Variants in ATRX observed in about 807,000 individuals in gnomAD.
ATRX encodes ATRX chromatin remodeler, also known as chromatin remodeler ATRX.
ATRX carries 12 observed loss-of-function variants against 172.6 expected under a neutral mutation model. That is an observed-to-expected ratio of 0.07 (90% CI 0.04 to 0.11). The LOEUF (loss-of-function observed/expected upper bound fraction) is 0.11, where lower values mean the gene tolerates loss of function less well. Among genes scored for constraint, ATRX ranks in the 10% least tolerant of loss-of-function variants. The pLI is 1.00. For missense variants in ATRX, 1,368 were observed against 1,767.4 expected (o/e 0.77, Z 4.05); for synonymous variants, 674 against 594.7 (o/e 1.13, Z -1.94).
At chrX:77,714,584 A>C (rs1181779440) in intron 2 of ATRX, among the ~76,000 whole-genome samples, 4 of 111,861 alleles carry the variant, frequency 3.6e-5, no homozygotes, top group Non-Finnish European at 7.5e-5. Flanking sequence ...TCACCAGTAA[A>C]GGGGCAAATC....
Position 77,599,746 on chromosome X carries a change from G to A in ATRX, c.5772C>T (p.Ser1924=), listed in dbSNP as rs2148148385. 1.7e-6 allele frequency: 2 copies of A among 1,208,565 alleles called. No homozygotes were observed. The highest frequency in any genetic ancestry group is 2.2e-6 in the Non-Finnish European group (2 of 893,331). The change falls in exon 24 of 35, where the codon TCC becomes TCT. Residue 1924 remains serine, a synonymous_variant. Coordinates refer to ENST00000373344, the MANE Select transcript of ATRX (RefSeq NM_000489.6). The part of the protein sequence containing the change: ...DSDETSMSLS[S]DDYTKKKKKG... Reference sequence around the variant, plus strand: ...ATTCGATTTACTTTGTATAATCATCGGAGCTTAAACTCATGGAGGTTTCAT... The same window carrying A: ...ATTCGATTTACTTTGTATAATCATCAGAGCTTAAACTCATGGAGGTTTCAT...
Position 77,582,864 on chromosome X carries a change from G to C in ATRX, c.6217+6970C>G, listed in dbSNP as rs188573287. ...TGAAGCCATAATAAAAAGTCACCCA[G>C]CAAGGAAAATCCCAGGACCCAATAG... On this transcript the variant is annotated intron_variant, in intron 27 of 34. Coordinates refer to ENST00000373344, the MANE Select transcript of ATRX (RefSeq NM_000489.6). 6.1e-3 allele frequency among the ~76,000 whole-genome samples: 681 copies of C among 111,652 alleles called. 6 individuals are homozygous for C. The highest frequency in any genetic ancestry group is 0.01 in the Non-Finnish European group (554 of 53,089).
At chrX:77,704,244 C>A (rs1167761555) in intron 2 of ATRX, among the ~76,000 whole-genome samples, 2 of 111,257 alleles carry the variant, frequency 1.8e-5, no homozygotes, top group Non-Finnish European at 1.9e-5. Flanking sequence ...CACCTCTTTG[C>A]AGGAAGGTCA....
chrX:77,671,147 C>CAAA (rs34939100), intron 10 of ATRX, among the ~76,000 whole-genome samples: 13 of 15,289 alleles, frequency 8.5e-4, no homozygotes, highest in African/African-American at 3.1e-3. Context: ...GACTCTGTCT[C>CAAA]AAAAAAAAAA....
intron 1 of ATRX, among the ~76,000 whole-genome samples, chrX:77,744,900 G>A (rs1457526045): frequency 2.7e-5 from 3 of 109,909 alleles, no homozygotes; most frequent in African/African-American, 9.9e-5. Context: ...GGAGGCTAAG[G>A]CAGGAGAATG....
chrX:77,517,396 T>C (rs2063090890), intron 34 of ATRX, among the ~76,000 whole-genome samples: 1 of 111,300 alleles, frequency 9.0e-6, no homozygotes. Flanking sequence ...TATGACAAAC[T>C]ACATGCAAAA....
chrX:77,555,052 T>C (rs1194261043), intron 30 of ATRX, among the ~76,000 whole-genome samples: 2 of 112,025 alleles, frequency 1.8e-5, no homozygotes, highest in Non-Finnish European at 3.8e-5. Flanking sequence ...ATCAGAGTGT[T>C]CATTGCCTGG....
intron 1 of ATRX, among the ~76,000 whole-genome samples, chrX:77,722,258 T>C (rs1389333833): frequency 9.0e-6 from 1 of 110,833 alleles, no homozygotes; most frequent in African/African-American, 3.3e-5. Flanking sequence ...ATTCAGGACA[T>C]AGGCATGGGC....
rs2064180155 is a variant in ATRX, at chrX:77,544,994, T to G, written c.6699+12457A>C. Among the ~76,000 whole-genome samples, 4 of 111,531 alleles carry G rather than the reference T, an allele frequency of 3.6e-5. No homozygotes were observed. In the South Asian group the frequency reaches 1.5e-3, roughly 42 times the overall value. On this transcript the variant is annotated intron_variant, in intron 30 of 34. Transcript: ENST00000373344. ...ACAGACACTTCTCAAAAGAAGACAT[T>G]TATGCAGCCAAAAAACACATGAAAA...
intron 30 of ATRX, among the ~76,000 whole-genome samples, chrX:77,534,350 A>G (rs782755585): frequency 1.8e-5 from 2 of 112,317 alleles, no homozygotes; most frequent in East Asian, 5.6e-4. Flanking sequence ...GGGACAAAAA[A>G]GTATTTGTAA....
At chrX:77,776,907 A>T (rs1028216536) in intron 1 of ATRX, among the ~76,000 whole-genome samples, 1 of 111,233 alleles carries the variant, frequency 9.0e-6, no homozygotes, top group Non-Finnish European at 1.9e-5. Flanking sequence ...TCCTGCATTC[A>T]TCTAGCACAA....
intron 27 of ATRX, among the ~76,000 whole-genome samples, chrX:77,583,668 G>C (rs1238458573): frequency 8.9e-6 from 1 of 111,773 alleles, no homozygotes; most frequent in Non-Finnish European, 1.9e-5. Flanking sequence ...AGCCATCTAT[G>C]ACAGACCCAT....
At chrX:77,667,556 T>C (rs782417966) in intron 10 of ATRX, among the ~76,000 whole-genome samples, 3 of 111,206 alleles carry the variant, frequency 2.7e-5, no homozygotes, top group African/African-American at 9.8e-5. Flanking sequence ...CTATTAACTA[T>C]AAAGATTTGG....
Position 77,634,717 on chromosome X carries a change from CTTCA to C in ATRX, c.4700-18_4700-15del, listed in dbSNP as rs1464196906. 3.3e-5 allele frequency: 39 copies of C among 1,176,519 alleles called. No individual in the cohort carries two copies. Among genetic ancestry groups the C allele is most frequent in the Non-Finnish European group, 4.0e-5 (35 of 865,324 alleles). On this transcript the variant is annotated splice_polypyrimidine_tract_variant and intron_variant, in intron 16 of 34. Transcript: ENST00000373344. The stretch of plus-strand genomic sequence containing the variant: ...TAAACTGAACACCTAAAAATAACAG[CTTCA>C]TTAAGTTAAATTTAAAGGTCCAAGT...
At chrX:77,697,259 A>T (rs1311570432) in intron 4 of ATRX, among the ~76,000 whole-genome samples, 1 of 111,752 alleles carries the variant, frequency 8.9e-6, no homozygotes, top group Admixed American at 9.5e-5. Context: ...ACTGCCTCAT[A>T]GGCATTCAAC....
chrX:77,557,372 G>C (rs1185333786), intron 30 of ATRX, 79 bp downstream of exon 30: 84 of 953,813 alleles, frequency 8.8e-5, no homozygotes, highest in Non-Finnish European at 1.2e-4. Flanking sequence ...GCCTTAATCA[G>C]ATGACTAAAT....
At chrX:77,748,871 G>A (rs970281911) in intron 1 of ATRX, among the ~76,000 whole-genome samples, 1 of 111,654 alleles carries the variant, frequency 9.0e-6, no homozygotes, top group African/African-American at 3.3e-5. Context: ...ATAGGCATAA[G>A]CAACAGCACC....
chrX:77,717,302 G>T, intron 1 of ATRX, 59 bp from the exon 2 acceptor site: 1 of 953,731 alleles, frequency 1.0e-6, no homozygotes, highest in South Asian at 2.0e-5. Context: ...TAAATTAATT[G>T]TAAAGCTCTA....
chrX:77,778,708 G>A (rs782454583), intron 1 of ATRX, among the ~76,000 whole-genome samples: 1,104 of 104,161 alleles, frequency 0.011, 28 homozygotes, highest in Non-Finnish European at 0.011. Flanking sequence ...GTGACAGAGC[G>A]AGACTACGTC....
Sources: allele counts gnomAD v4.1 joint callset (sites outside exome capture counted in the v4.1 genomes callset), GRCh38; gene constraint gnomAD v4.1.1; transcripts MANE v1.5; gene names NCBI Gene and HGNC (gene_info 2026-07-23, HGNC 2026-07-21).